The following PCLO variants were observed in gnomAD, a reference collection of about 807,000 sequenced individuals.
The protein encoded by PCLO is piccolo presynaptic cytomatrix protein.
A neutral mutation model predicts 427.5 loss-of-function variants in PCLO; 82 were observed. That is an observed-to-expected ratio of 0.19 (90% CI 0.16 to 0.23). PCLO has a LOEUF of 0.23. Among genes scored for constraint, PCLO ranks in the 10% least tolerant of loss-of-function variants. The pLI is 1.00. For synonymous variants in PCLO, 2,357 were observed against 2,155.4 expected (o/e 1.09, Z -2.59); for missense variants, 6,239 against 6,115.9 (o/e 1.02, Z -0.67).
chr7:83,067,969 G>A (rs999560673), intron 3 of PCLO, among the ~76,000 whole-genome samples: 13 of 24,106 alleles, frequency 5.4e-4, no homozygotes, highest in African/African-American at 1.1e-3. Context: ...TTTTGTTGTT[G>A]CTGTTGTTGT....
At chr7:83,036,984 A>T (rs1788811520) in intron 3 of PCLO, among the ~76,000 whole-genome samples, 1 of 152,148 alleles carries the variant, frequency 6.6e-6, no homozygotes, top group African/African-American at 2.4e-5. Flanking sequence ...AGAAATGAAG[A>T]AGTTAACAGA....
chr7:82,968,952 A>C (rs1795843707), intron 3 of PCLO, among the ~76,000 whole-genome samples: 1 of 152,326 alleles, frequency 6.6e-6, no homozygotes, highest in Non-Finnish European at 1.5e-5. Context: ...TAATATAAAT[A>C]AGTTAGAAAA....
intron 3 of PCLO, among the ~76,000 whole-genome samples, chr7:83,063,492 T>C (rs1021940602): frequency 5.3e-5 from 8 of 152,118 alleles, no homozygotes; most frequent in Non-Finnish European, 1.2e-4. Context: ...TTCAATAAAT[T>C]ACATGTGATA....
intron 22 of PCLO, among the ~76,000 whole-genome samples, chr7:82,774,344 C>T (rs529767820): frequency 6.6e-6 from 1 of 152,258 alleles, no homozygotes; most frequent in South Asian, 2.1e-4. Flanking sequence ...ACTTTTGGTT[C>T]TCACGTATTC....
chr7:83,125,016 G>A (rs370075835), intron 3 of PCLO, among the ~76,000 whole-genome samples: 16 of 152,206 alleles, frequency 1.1e-4, no homozygotes, highest in African/African-American at 3.6e-4. Flanking sequence ...TTGGCCTCCC[G>A]AGGTGCTGGG....
intron 3 of PCLO, among the ~76,000 whole-genome samples, chr7:82,996,323 C>T (rs1787612950): frequency 6.6e-6 from 1 of 151,616 alleles, no homozygotes; most frequent in African/African-American, 2.4e-5. Flanking sequence ...AAGAGGAAAA[C>T]ATTTATTTTA....
chr7:83,113,945 T>C (rs954078194), intron 3 of PCLO, among the ~76,000 whole-genome samples: 7 of 152,130 alleles, frequency 4.6e-5, no homozygotes, highest in Admixed American at 3.9e-4. Flanking sequence ...AAAAAACTCA[T>C]TTTCTTTCTA....
At chr7:83,070,421 T>C (rs1384937537) in intron 3 of PCLO, among the ~76,000 whole-genome samples, 1 of 148,460 alleles carries the variant, frequency 6.7e-6, no homozygotes, top group African/African-American at 2.5e-5. Flanking sequence ...CAAGTCTCGC[T>C]CTGTCACCCA....
chr7:82,956,909 G>C lies in PCLO; in HGVS notation c.4044C>G (p.Thr1348=), dbSNP rs751573521. ...KTEKEDDKSD[T]SSSQQPKSPQ... ...GGCTTTTAGGCTGCTGAGAACTTGAGGTGTCTGATTTGTCATCTTCCTTTT... is the reference window on the plus strand; with the variant it reads ...GGCTTTTAGGCTGCTGAGAACTTGACGTGTCTGATTTGTCATCTTCCTTTT... The change falls in exon 5 of 25, where the codon ACC becomes ACG. Residue 1348 remains threonine, a synonymous_variant. Coordinates refer to ENST00000333891, the MANE Select transcript of PCLO (RefSeq NM_033026.6). 6.8e-6 allele frequency: 11 copies of C among 1,607,074 alleles called. No individual in the cohort carries two copies. The highest frequency in any genetic ancestry group is 9.3e-6 in the Non-Finnish European group (11 of 1,177,240).
intron 6 of PCLO, among the ~76,000 whole-genome samples, chr7:82,917,664 T>C (rs1487330414): frequency 1.3e-5 from 2 of 152,194 alleles, no homozygotes; most frequent in East Asian, 3.9e-4. Flanking sequence ...AATAAACTGA[T>C]GTACTTCAAT....
At position 82,949,566 on chromosome 7, in the gene PCLO, C is replaced by A; in HGVS notation, c.11022G>T (p.Met3674Ile). 1 of 1,613,892 alleles carries A rather than the reference C, an allele frequency of 6.2e-7. No individual in the cohort carries two copies. The highest frequency in any genetic ancestry group is 8.5e-7 in the Non-Finnish European group (1 of 1,179,842). ...TGGGGTCAGACATAGAACGCTGCATCATCTTGGCTGTCTTAGGACTTGCTG... is the reference window on the plus strand; with the variant it reads ...TGGGGTCAGACATAGAACGCTGCATAATCTTGGCTGTCTTAGGACTTGCTG... Reference protein sequence around the residue: ...VPPASPKTAKMMQRSMSDPKP... With the variant: ...VPPASPKTAKIMQRSMSDPKP... Residue 3674 changes from methionine (M) to isoleucine (I), a missense_variant, in exon 6 of 25, where the codon ATG (methionine) becomes ATT (isoleucine). By Grantham distance (10) the Met-to-Ile change is conservative (BLOSUM62 1). This residue lies in a region of PCLO where 4,677 missense variants were observed against 4,468.4 expected (regional missense o/e 1.05). Transcript: ENST00000333891.
chr7:82,906,055 G>T (rs77666592), intron 8 of PCLO, among the ~76,000 whole-genome samples: 1 of 127,162 alleles, frequency 7.9e-6, no homozygotes, highest in South Asian at 2.7e-4. Flanking sequence ...AGATAGATAG[G>T]TACACACACA....
At chr7:83,162,311 A>G (rs756475822) in intron 1 of PCLO, 34 bp downstream of exon 1, 17 of 1,567,376 alleles carry the variant, frequency 1.1e-5, no homozygotes, top group Non-Finnish European at 1.4e-5. Context: ...AGCTGTACAT[A>G]TATGCCCGGA....
At chr7:82,832,287 C>T (rs1184047914) in intron 16 of PCLO, among the ~76,000 whole-genome samples, 1 of 152,016 alleles carries the variant, frequency 6.6e-6, no homozygotes, top group East Asian at 1.9e-4. Context: ...TGGAGTCTTG[C>T]TCTGTTGCTC....
chr7:83,051,632 T>C (rs1008976278), intron 3 of PCLO, among the ~76,000 whole-genome samples: 5 of 152,154 alleles, frequency 3.3e-5, no homozygotes, highest in Non-Finnish European at 7.4e-5. Flanking sequence ...ACCTTTCTAA[T>C]TTGATTTATA....
chr7:82,815,082 A>G (rs1004343670), intron 20 of PCLO, among the ~76,000 whole-genome samples: 5 of 121,752 alleles, frequency 4.1e-5, no homozygotes, highest in African/African-American at 1.7e-4. Context: ...ATTAGCATTC[A>G]TTTTAATTGT....
chr7:83,008,946 A>C (rs774599198), intron 3 of PCLO, among the ~76,000 whole-genome samples: 5 of 151,632 alleles, frequency 3.3e-5, no homozygotes, highest in Non-Finnish European at 7.4e-5. Context: ...TATATTAAGC[A>C]AATATAAAAA....
intron 20 of PCLO, among the ~76,000 whole-genome samples, chr7:82,809,376 A>G (rs1562795752): frequency 6.6e-6 from 1 of 151,586 alleles, no homozygotes; most frequent in Non-Finnish European, 1.5e-5. Flanking sequence ...CTTTTATCCC[A>G]TCACTTTCTT....
At chr7:83,143,651 A>G (rs1393508980) in intron 2 of PCLO, among the ~76,000 whole-genome samples, 1 of 152,066 alleles carries the variant, frequency 6.6e-6, no homozygotes, top group Admixed American at 6.5e-5. Flanking sequence ...CCAAAAAAAA[A>G]AAAAAAAAAA....
Sources: allele counts gnomAD v4.1 joint callset (sites outside exome capture counted in the v4.1 genomes callset), GRCh38; gene constraint gnomAD v4.1.1; regional missense constraint gnomAD v4.1.1; transcripts MANE v1.5; gene names NCBI Gene and HGNC (gene_info 2026-07-23, HGNC 2026-07-21).